The following PATJ variants were observed in gnomAD, a reference collection of about 807,000 sequenced individuals.
PATJ encodes the protein PATJ crumbs cell polarity complex component.
A neutral mutation model predicts 224.9 loss-of-function variants in PATJ; 190 were observed. That is an observed-to-expected ratio of 0.84 (90% confidence interval 0.75 to 0.95). The LOEUF (loss-of-function observed/expected upper bound fraction) is 0.95, where lower values mean the gene tolerates loss of function less well. Among genes scored for constraint, PATJ ranks in the 40% least tolerant of loss-of-function variants. The probability of loss-of-function intolerance (pLI) is 0.00; values close to 1 mark genes in which losing one functional copy is unlikely to be tolerated. For synonymous variants in PATJ, 769 were observed against 820.3 expected (o/e 0.94, Z 1.07); for missense variants, 2,121 against 2,270.3 (o/e 0.93, Z 1.34).
chr1:62,109,952 T>C (rs893569706), intron 34 of PATJ, among the ~76,000 whole-genome samples: 2 of 152,222 alleles, frequency 1.3e-5, no homozygotes, highest in Admixed American at 6.5e-5. Context: ...GTAGACCCTC[T>C]GTAGCTGCTC....
chr1:61,882,858 G>A (rs1402471968), intron 21 of PATJ, among the ~76,000 whole-genome samples: 2 of 152,170 alleles, frequency 1.3e-5, no homozygotes, highest in South Asian at 2.1e-4. Flanking sequence ...GAGCACCTGC[G>A]CCTGGCCAAT....
chr1:62,153,490 TCTTTTTTAATGTA>T lies in PATJ; in HGVS notation c.5502+19_5502+31del. The T allele has an allele frequency of 3.3e-6, 4 of 1,230,364 alleles. No homozygotes were observed. Among genetic ancestry groups the T allele is most frequent in the Non-Finnish European group, 4.1e-6 (4 of 986,334 alleles). The allele number at this position is 1,230,364 out of a possible 1,614,324, so 76.2% of individuals were successfully genotyped here. ...AGACTGTATTTGCAAAGGTATATCT[TCTTTTTTAATGTA>T]CTTTTTTAAAAAAATTAAACCTAGG... On this transcript the variant is annotated intron_variant, in intron 43 of 43. Coordinates refer to ENST00000642238, the MANE Select transcript of PATJ (RefSeq NM_001350145.3).
In PATJ at chr1:61,771,612, A is replaced by T; in HGVS notation, c.706A>T (p.Thr236Ser). Residue 236 changes from threonine (T) to serine (S), a missense_variant, in exon 6 of 44, where the codon ACT becomes TCT. By Grantham distance (58) the Thr-to-Ser change is moderately conservative (BLOSUM62 1). Transcript: ENST00000642238. ...SSTSSSLNDT[T>S]LPETVCWGHV... ...TACTTCTAGCAGCCTAAATGATACA[A>T]CTCTGCCTGAAACAGTGAGTTGCAA... is the stretch of plus-strand genomic sequence containing the variant. 1 of 1,586,546 alleles carries T rather than the reference A, an allele frequency of 6.3e-7. No individual in the cohort carries two copies. Among genetic ancestry groups the T allele is most frequent in the Non-Finnish European group, 8.5e-7 (1 of 1,171,624 alleles).
intron 41 of PATJ, among the ~76,000 whole-genome samples, chr1:62,147,469 G>A (rs1245363363): frequency 6.6e-6 from 1 of 152,118 alleles, no homozygotes; most frequent in Non-Finnish European, 1.5e-5. Context: ...AGACCAGCCT[G>A]AGCAACATGG....
chr1:61,881,201 G>C (rs1241417883), intron 21 of PATJ, among the ~76,000 whole-genome samples: 1 of 152,136 alleles, frequency 6.6e-6, no homozygotes, highest in Non-Finnish European at 1.5e-5. Context: ...ACAGAGAAAA[G>C]CATCATGTTT....
chr1:62,014,412 A>G (rs773363727), intron 28 of PATJ, among the ~76,000 whole-genome samples: 2 of 152,136 alleles, frequency 1.3e-5, no homozygotes, highest in Non-Finnish European at 2.9e-5. Context: ...TTATAAATTA[A>G]CGAGATTGGA....
intron 41 of PATJ, among the ~76,000 whole-genome samples, chr1:62,134,303 G>A (rs1321173126): frequency 6.7e-6 from 1 of 148,696 alleles, no homozygotes; most frequent in Non-Finnish European, 1.5e-5. Flanking sequence ...TGGGATTACA[G>A]GTGTGAGCCA....
chr1:61,964,337 C>T (rs1475359476), intron 27 of PATJ, among the ~76,000 whole-genome samples: 1 of 152,082 alleles, frequency 6.6e-6, no homozygotes, highest in African/African-American at 2.4e-5. Flanking sequence ...CCACCTCAGC[C>T]TCCCAAAGTG....
At chr1:61,777,703 C>CTTTCTTTTTTTTTTTTT (rs1415203243) in intron 7 of PATJ, among the ~76,000 whole-genome samples, 3 of 48,746 alleles carry the variant, frequency 6.2e-5, no homozygotes, top group African/African-American at 3.2e-4. Flanking sequence ...TTCTTTCTTT[C>CTTTCTTTTTTTTTTTTT]TTTTTTTTTT....
intron 23 of PATJ, among the ~76,000 whole-genome samples, chr1:61,900,683 G>C (rs1448388800): frequency 6.6e-6 from 1 of 151,882 alleles, no homozygotes; most frequent in Non-Finnish European, 1.5e-5. Context: ...TCTGCCTCCC[G>C]GGTTCACGCC....
intron 17 of PATJ, among the ~76,000 whole-genome samples, chr1:61,838,760 G>A (rs1433866111): frequency 6.6e-6 from 1 of 151,926 alleles, no homozygotes; most frequent in Non-Finnish European, 1.5e-5. Context: ...TGTAGGTGAG[G>A]TTTTTATATT....
At chr1:61,908,560 T>A in intron 25 of PATJ, 78 bp downstream of exon 25, 2 of 827,698 alleles carry the variant, frequency 2.4e-6, no homozygotes, top group Admixed American at 4.8e-5. Context: ...CTCTAAGTAT[T>A]TTCCACATAT....
intron 26 of PATJ, among the ~76,000 whole-genome samples, chr1:61,916,694 A>G (rs1455538994): frequency 6.6e-6 from 1 of 152,214 alleles, no homozygotes; most frequent in African/African-American, 2.4e-5. Context: ...TGCAGTAGAG[A>G]AAGAGTTTAA....
chr1:61,963,963 T>C (rs753002366), intron 27 of PATJ, among the ~76,000 whole-genome samples: 7 of 152,204 alleles, frequency 4.6e-5, no homozygotes, highest in Admixed American at 2.0e-4. Flanking sequence ...TTAAAAGCTT[T>C]AGTTGAATGT....
At chr1:61,902,175 C>T (rs1267206359) in intron 24 of PATJ, among the ~76,000 whole-genome samples, 1 of 151,006 alleles carries the variant, frequency 6.6e-6, no homozygotes, top group Non-Finnish European at 1.5e-5. Flanking sequence ...GAGCCAAGAT[C>T]GGACTTCCCT....
intron 17 of PATJ, among the ~76,000 whole-genome samples, chr1:61,853,006 G>C (rs1314110561): frequency 1.3e-5 from 2 of 152,140 alleles, no homozygotes; most frequent in African/African-American, 4.8e-5. Flanking sequence ...TCCCCTCCCT[G>C]CCCCCCAAAT....
chr1:61,832,798 T>C (rs1659564834), intron 16 of PATJ, among the ~76,000 whole-genome samples: 1 of 152,148 alleles, frequency 6.6e-6, no homozygotes. Context: ...TGGGGGAATG[T>C]CAATCAGATG....
chr1:61,842,208 G>A (rs1392490827), intron 17 of PATJ, among the ~76,000 whole-genome samples: 1 of 152,276 alleles, frequency 6.6e-6, no homozygotes, highest in South Asian at 2.1e-4. Context: ...AAGAGGCTGT[G>A]TGTATATCAG....
chr1:62,066,005 A>G (rs1035250562), intron 31 of PATJ, among the ~76,000 whole-genome samples: 4 of 152,190 alleles, frequency 2.6e-5, no homozygotes, highest in Admixed American at 6.5e-5. Context: ...TGATTTTGTT[A>G]TCTTTCAAAG....
Sources: allele counts gnomAD v4.1 joint callset (sites outside exome capture counted in the v4.1 genomes callset), GRCh38; gene constraint gnomAD v4.1.1; transcripts MANE v1.5; gene names NCBI Gene and HGNC (gene_info 2026-07-23, HGNC 2026-07-21).